RBBP7: variants seen among roughly 807,000 people sequenced by gnomAD.
RBBP7 encodes RB binding protein 7, chromatin remodeling factor.
Under a neutral mutation model 35.2 loss-of-function variants are expected in RBBP7, and 5 were observed. The observed-to-expected ratio is 0.14, with a 90% confidence interval of 0.07 to 0.30. The LOEUF is 0.30. RBBP7 is among the 10% of genes least tolerant of loss of function. RBBP7 has a pLI of 1.00. For missense variants in RBBP7, 155 were observed against 327.5 expected (o/e 0.47, Z 4.07); for synonymous variants, 140 against 118.7 (o/e 1.18, Z -1.17).
chrX:16,849,580 TCAC>T (rs760466950), intron 9 of RBBP7, among the ~76,000 whole-genome samples: 11 of 111,826 alleles, frequency 9.8e-5, no homozygotes, highest in African/African-American at 3.6e-4. Context: ...CGCCTCAGCC[TCAC>T]CACATCTGGC....
intron 11 of RBBP7, 37 bp downstream of exon 11, chrX:16,845,791 T>C (rs754066646): frequency 3.8e-5 from 45 of 1,188,792 alleles, no homozygotes; most frequent in Non-Finnish European, 5.1e-5. Flanking sequence ...ATCTCTCCTT[T>C]ACAAGACAGT....
chrX:16,853,575 T>C, intron 6 of RBBP7, 107 bp downstream of exon 6: 1 of 795,525 alleles, frequency 1.3e-6, no homozygotes, highest in Non-Finnish European at 1.7e-6. Context: ...AAGCTGTTTT[T>C]TAAAGCCATA....
chrX:16,844,893 T>C lies in RBBP7; in HGVS notation c.*142A>G, dbSNP rs1227900086. The C allele has an allele frequency of 1.1e-5, 5 of 471,894 alleles. No homozygotes were observed. The highest frequency in any genetic ancestry group is 1.9e-5 in the Non-Finnish European group (5 of 268,863). The allele number at this position is 471,894 out of a possible 1,213,427, so 38.9% of individuals were successfully genotyped here. On this transcript the variant is annotated 3_prime_UTR_variant, in exon 12 of 12. Transcript: ENST00000380087. Reference sequence around the variant, plus strand: ...TATGATACAGTACGCAACAGCTCACTTGAAAGTGCTAGAATCAGAGGATAA... The same window carrying C: ...TATGATACAGTACGCAACAGCTCACCTGAAAGTGCTAGAATCAGAGGATAA...
chrX:16,860,773 G>A (rs1238432686), intron 3 of RBBP7, among the ~76,000 whole-genome samples: 1 of 111,376 alleles, frequency 9.0e-6, no homozygotes, highest in African/African-American at 3.3e-5. Context: ...GAATACACTG[G>A]ATGTGTAACT....
chrX:16,858,551 T>C (rs1930400941), intron 4 of RBBP7, 125 bp downstream of exon 4: 2 of 1,031,507 alleles, frequency 1.9e-6, no homozygotes, highest in South Asian at 2.8e-5. Flanking sequence ...AGGATGGTTA[T>C]GGGACCCCCA....
At chrX:16,846,166 T>A in intron 10 of RBBP7, 1 of 369,193 alleles carries the variant, frequency 2.7e-6, no homozygotes, top group Non-Finnish European at 4.2e-6. Flanking sequence ...ACCCTTTACC[T>A]AGATTCACCA....
At chrX:16,861,460 C>T (rs186242934) in intron 3 of RBBP7, among the ~76,000 whole-genome samples, 2 of 111,415 alleles carry the variant, frequency 1.8e-5, no homozygotes, top group African/African-American at 6.5e-5. Context: ...AAGCGATCCT[C>T]AGCCTCCCAA....
intron 9 of RBBP7, among the ~76,000 whole-genome samples, chrX:16,850,961 C>T (rs1930198609): frequency 9.1e-6 from 1 of 109,568 alleles, no homozygotes; most frequent in African/African-American, 3.3e-5. Flanking sequence ...GTAAAAAATA[C>T]AAAACCGGGC....
At position 16,863,110 on chromosome X, in the gene RBBP7, A is replaced by G. The variant is rs1456724174; in HGVS notation, c.162-10T>C. ...ATCTTTTCCTTCAGGTCTGTTTAAG[A>G]AAGAAAATAAGTCACACTAATCCTA... On this transcript the variant is annotated splice_polypyrimidine_tract_variant and intron_variant, in intron 2 of 11. Transcript: ENST00000380087. 1.7e-6 allele frequency: 2 copies of G among 1,200,215 alleles called. No homozygotes were observed. Among genetic ancestry groups the G allele is most frequent in the Admixed American group, 2.2e-5 (1 of 45,377 alleles).
chrX:16,870,069 T>A lies in RBBP7; in HGVS notation c.-16A>T, dbSNP rs1285079734. 7 of 1,082,429 alleles carry A rather than the reference T, an allele frequency of 6.5e-6. No homozygotes were observed. Among genetic ancestry groups the A allele is most frequent in the Non-Finnish European group, 7.3e-6 (6 of 822,875 alleles). The allele number at this position is 1,082,429 out of a possible 1,213,427, so 89.2% of individuals were successfully genotyped here. On this transcript the variant is annotated 5_prime_UTR_variant, in exon 1 of 12. Transcript: ENST00000380087. The stretch of plus-strand genomic sequence containing the variant: ...TACTCGCCATCTTGCGTCGGGTCGT[T>A]CGCCCCTCGCCGCCGCCTCGGACTC...
At chrX:16,868,874 A>G (rs1238696658) in intron 2 of RBBP7, among the ~76,000 whole-genome samples, 4 of 112,187 alleles carry the variant, frequency 3.6e-5, no homozygotes, top group African/African-American at 1.3e-4. Context: ...TAATCTCACA[A>G]CAGCTTCTTT....
At chrX:16,855,713 G>A (rs888005470) in intron 5 of RBBP7, among the ~76,000 whole-genome samples, 1 of 111,091 alleles carries the variant, frequency 9.0e-6, no homozygotes, top group Non-Finnish European at 1.9e-5. Context: ...TACACACTTT[G>A]AGGGAAGCAT....
chrX:16,862,150 C>T (rs1371023743), intron 3 of RBBP7, among the ~76,000 whole-genome samples: 2 of 111,451 alleles, frequency 1.8e-5, no homozygotes, highest in Non-Finnish European at 3.8e-5. Context: ...TCCTGTGTGG[C>T]CTTGGACAAG....
At chrX:16,850,784 A>G (rs1459665410) in intron 9 of RBBP7, among the ~76,000 whole-genome samples, 1 of 112,302 alleles carries the variant, frequency 8.9e-6, no homozygotes, top group Non-Finnish European at 1.9e-5. Flanking sequence ...CAAAACTTTA[A>G]GCACCACGTG....
intron 5 of RBBP7, among the ~76,000 whole-genome samples, chrX:16,856,786 A>C (rs1335231404): frequency 8.9e-6 from 1 of 111,784 alleles, no homozygotes; most frequent in Non-Finnish European, 1.9e-5. Flanking sequence ...ATACCATATG[A>C]TCCAATAATT....
intron 2 of RBBP7, among the ~76,000 whole-genome samples, chrX:16,868,182 CT>C (rs1169104279): frequency 8.9e-6 from 1 of 111,793 alleles, no homozygotes; most frequent in Middle Eastern, 4.2e-3. Context: ...CAGCCTTGAA[CT>C]CCTGAGCTCA....
intron 3 of RBBP7, among the ~76,000 whole-genome samples, chrX:16,862,226 C>T (rs1930494414): frequency 8.9e-6 from 1 of 112,120 alleles, no homozygotes; most frequent in Admixed American, 9.5e-5. Flanking sequence ...GTGTTCTTTA[C>T]TGTAACAAAC....
intron 9 of RBBP7, among the ~76,000 whole-genome samples, chrX:16,850,855 T>C (rs1039381524): frequency 1.6e-4 from 18 of 112,239 alleles, no homozygotes; most frequent in African/African-American, 5.8e-4. Flanking sequence ...TCCCAGCACT[T>C]TGGGAGGCCA....
chrX:16,863,357 C>G (rs935586630), intron 2 of RBBP7, among the ~76,000 whole-genome samples: 1 of 111,730 alleles, frequency 9.0e-6, no homozygotes, highest in Non-Finnish European at 1.9e-5. Context: ...CAATTATCAG[C>G]GTGAACACTA....
Sources: gnomAD v4.1 joint callset for allele counts (sites outside exome capture counted in the v4.1 genomes callset) on GRCh38, gnomAD v4.1.1 for gene constraint, MANE v1.5 for transcripts, NCBI Gene and HGNC (gene_info 2026-07-23, HGNC 2026-07-21) for gene names.